CNNM2: variants seen among roughly 807,000 people sequenced by gnomAD.
The protein encoded by CNNM2 is metal transporter CNNM2.
Under a neutral mutation model 66.9 loss-of-function variants are expected in CNNM2, and 12 were observed. The observed-to-expected ratio is 0.18, with a 90% CI of 0.11 to 0.29. The LOEUF is 0.29. Among genes scored for constraint, CNNM2 ranks in the 10% least tolerant of loss-of-function variants. The pLI, the probability that CNNM2 is intolerant of heterozygous loss-of-function variation, is 1.00. For missense variants in CNNM2, 705 were observed against 1,167.7 expected, an observed-to-expected ratio of 0.60 and a Z score of 5.77; for synonymous variants, 557 against 501.8, an observed-to-expected ratio of 1.11 and a Z score of -1.47.
chr10:102,978,894 T>G (rs2063679198), intron 1 of CNNM2, among the ~76,000 whole-genome samples: 1 of 152,246 alleles, frequency 6.6e-6, no homozygotes, highest in South Asian at 2.1e-4. Flanking sequence ...TGAGTCTGGC[T>G]TCTTTTATGC....
intron 1 of CNNM2, among the ~76,000 whole-genome samples, chr10:103,004,194 G>C (rs2064181553): frequency 6.6e-6 from 1 of 150,956 alleles, no homozygotes; most frequent in South Asian, 2.1e-4. Context: ...GTAGCAATGG[G>C]GTTTCACCAT....
At chr10:103,073,315 G>T (rs1564871750) in intron 6 of CNNM2, among the ~76,000 whole-genome samples, 1 of 152,212 alleles carries the variant, frequency 6.6e-6, no homozygotes, top group Non-Finnish European at 1.5e-5. Flanking sequence ...CAGAATTACT[G>T]CAGGAGGCCT....
At chr10:102,947,602 T>C (rs1846664430) in intron 1 of CNNM2, among the ~76,000 whole-genome samples, 1 of 149,558 alleles carries the variant, frequency 6.7e-6, no homozygotes, top group South Asian at 2.1e-4. Context: ...AATACAAAAA[T>C]TAGCTGGGCG....
chr10:103,007,061 T>TA (rs1327228622), intron 1 of CNNM2, among the ~76,000 whole-genome samples: 1 of 152,138 alleles, frequency 6.6e-6, no homozygotes, highest in Non-Finnish European at 1.5e-5. Context: ...ATCTGAGAAA[T>TA]AGAGTACAAA....
rs2065799903 is a variant in CNNM2, at chr10:103,085,764, AAAG to A, written c.*8585_*8587del. The A allele has an allele frequency of 6.6e-6, 1 of 152,202 alleles. No homozygotes were observed. Among genetic ancestry groups the A allele is most frequent in the Non-Finnish European group, 1.5e-5 (1 of 68,026 alleles). The allele number at this position is 152,202 out of a possible 1,614,324, so 9.4% of individuals were successfully genotyped here. A position where few individuals can be genotyped will look rare whatever the true frequency, so the allele number is the denominator to read the frequency against. ...TCAATGGGGAGTACTTTTTTGTGTTAAAGCTCTACAGAGAAACTTCTGTATATA... is the reference window on the plus strand; with the variant it reads ...TCAATGGGGAGTACTTTTTTGTGTTACTCTACAGAGAAACTTCTGTATATA... On this transcript the variant is annotated 3_prime_UTR_variant, in exon 8 of 8. Transcript: ENST00000369878.
At chr10:102,927,237 C>A in intron 1 of CNNM2, 2 of 1,411,700 alleles carry the variant, frequency 1.4e-6, no homozygotes, top group Admixed American at 2.0e-5. Context: ...TTAAGATTTG[C>A]TTGACATATA....
At chr10:102,958,464 T>TG in intron 1 of CNNM2, among the ~76,000 whole-genome samples, 1 of 111,366 alleles carries the variant, frequency 9.0e-6, no homozygotes, top group Non-Finnish European at 1.8e-5. Context: ...AACTTGTTTT[T>TG]TTTTTTTTTT....
At chr10:103,040,893 C>G (rs2065028461) in intron 1 of CNNM2, among the ~76,000 whole-genome samples, 1 of 152,154 alleles carries the variant, frequency 6.6e-6, no homozygotes, top group African/African-American at 2.4e-5. Context: ...ATACAAGACC[C>G]AGACCTGAAC....
intron 3 of CNNM2, among the ~76,000 whole-genome samples, chr10:103,055,656 A>G (rs770989124): frequency 1.1e-4 from 16 of 152,358 alleles, no homozygotes; most frequent in Admixed American, 2.6e-4. Context: ...TGTAATTACT[A>G]TCTTATTACA....
intron 1 of CNNM2, among the ~76,000 whole-genome samples, chr10:103,040,221 T>C (rs1205662289): frequency 6.6e-6 from 1 of 151,928 alleles, no homozygotes; most frequent in African/African-American, 2.4e-5. Flanking sequence ...TTATAGGAGC[T>C]CAAAAATATA....
intron 1 of CNNM2, among the ~76,000 whole-genome samples, chr10:102,994,940 G>A (rs973983387): frequency 1.3e-5 from 2 of 152,122 alleles, no homozygotes; most frequent in Admixed American, 6.5e-5. Context: ...CAGAGCAGAC[G>A]ACCTACAAAG....
In CNNM2 at chr10:103,083,425, G is replaced by T. The variant is rs1233130493; in HGVS notation, c.*6245G>T. The stretch of plus-strand genomic sequence containing the variant: ...GTGTGTTCCCTCTTCCCTTTCATCT[G>T]TGCAACACCAACCATGCCATTGTAT... On this transcript the variant is annotated 3_prime_UTR_variant, in exon 8 of 8. Coordinates refer to ENST00000369878, the MANE Select transcript of CNNM2 (RefSeq NM_017649.5). 2 of 152,128 alleles carry T rather than the reference G, an allele frequency of 1.3e-5. No individual in the cohort carries two copies. Among genetic ancestry groups the T allele is most frequent in the African/African-American group, 4.8e-5 (2 of 41,420 alleles). The allele number at this position is 152,128 out of a possible 1,614,324, so 9.4% of individuals were successfully genotyped here.
At chr10:103,051,709 C>T (rs2134332927) in intron 2 of CNNM2, among the ~76,000 whole-genome samples, 1 of 152,246 alleles carries the variant, frequency 6.6e-6, no homozygotes, top group East Asian at 1.9e-4. Context: ...CACTGCACTC[C>T]AGCCTGGGCA....
At chr10:102,925,346 A>T (rs11191465) in intron 1 of CNNM2, among the ~76,000 whole-genome samples, 8 of 148,380 alleles carry the variant, frequency 5.4e-5, no homozygotes, top group Non-Finnish European at 1.0e-4. Flanking sequence ...GGGTCACTTA[A>T]TAAGAGTAAG....
At chr10:102,995,058 C>T (rs2063964818) in intron 1 of CNNM2, among the ~76,000 whole-genome samples, 1 of 115,114 alleles carries the variant, frequency 8.7e-6, no homozygotes, top group African/African-American at 3.3e-5. Context: ...TTTGCCATCC[C>T]AGCTCAGGAA....
chr10:103,027,199 T>C (rs1412438145), intron 1 of CNNM2: 2 of 152,240 alleles, frequency 1.3e-5, no homozygotes, highest in African/African-American at 4.8e-5. Flanking sequence ...TTTATTATCA[T>C]TCCAGTTTCC....
chr10:102,976,089 G>A (rs1324234089), intron 1 of CNNM2, among the ~76,000 whole-genome samples: 2 of 152,096 alleles, frequency 1.3e-5, no homozygotes, highest in Non-Finnish European at 2.9e-5. Context: ...ATATTGGTGT[G>A]TATAAAGTCA....
chr10:103,066,063 G>A (rs1269447263), intron 4 of CNNM2, among the ~76,000 whole-genome samples: 16 of 152,116 alleles, frequency 1.1e-4, no homozygotes, highest in Non-Finnish European at 1.2e-4. Flanking sequence ...AGCCCCCAGC[G>A]GCCTGTGGTC....
At chr10:102,943,470 C>G (rs1352590765) in intron 1 of CNNM2, among the ~76,000 whole-genome samples, 1 of 151,884 alleles carries the variant, frequency 6.6e-6, no homozygotes. Context: ...AAATTACATA[C>G]AAAACTGGTA....
Sources: gnomAD v4.1 joint callset for allele counts (sites outside exome capture counted in the v4.1 genomes callset) on GRCh38, gnomAD v4.1.1 for gene constraint, MANE v1.5 for transcripts, NCBI Gene and HGNC (gene_info 2026-07-23, HGNC 2026-07-21) for gene names.